Variants in MAEL observed in about 807,000 individuals in gnomAD.
MAEL encodes the protein maelstrom spermatogenic transposon silencer, also known as protein maelstrom homolog.
A neutral mutation model predicts 62.0 loss-of-function variants in MAEL; 46 were observed. The ratio of observed to expected loss-of-function variants is 0.74; its 90% CI spans 0.59 to 0.95. The LOEUF (loss-of-function observed/expected upper bound fraction) is 0.95. MAEL is among the 40% of genes least tolerant of loss of function. MAEL has a pLI of 0.00. For missense variants in MAEL, 497 were observed against 526.8 expected, an observed-to-expected ratio of 0.94 and a Z score of 0.55; for synonymous variants, 172 against 175.5, an observed-to-expected ratio of 0.98 and a Z score of 0.16.
intron 2 of MAEL, 186 bp downstream of exon 2, chr1:166,990,015 T>C (rs1664098627): frequency 1.7e-6 from 1 of 588,704 alleles, no homozygotes; most frequent in South Asian, 2.1e-5. Context: ...CCTCCACAAC[T>C]AGGGCATGCA....
intron 3 of MAEL, among the ~76,000 whole-genome samples, 185 bp downstream of exon 3, chr1:166,991,662 G>GT (rs149104032): frequency 0.068 from 10,133 of 148,482 alleles, 644 homozygotes; most frequent in African/African-American, 0.17. Flanking sequence ...TAGGAGAGTG[G>GT]TTTTTTTTTT....
chr1:166,996,725 A>G (rs1315964790), intron 5 of MAEL, among the ~76,000 whole-genome samples: 1 of 152,218 alleles, frequency 6.6e-6, no homozygotes, highest in African/African-American at 2.4e-5. Flanking sequence ...TACTACATGT[A>G]CATATTTGTT....
At chr1:167,012,787 A>G (rs1224194962) in intron 8 of MAEL, among the ~76,000 whole-genome samples, 1 of 152,164 alleles carries the variant, frequency 6.6e-6, no homozygotes, top group Non-Finnish European at 1.5e-5. Flanking sequence ...AGAGATAGAA[A>G]AGCCTTGAGG....
At position 167,021,658 on chromosome 1, in the gene MAEL, A is replaced by T. The variant is rs1362143105; in HGVS notation, c.1118-10A>T. 2 of 1,558,154 alleles carry T rather than the reference A, an allele frequency of 1.3e-6. No individual in the cohort carries two copies. Among genetic ancestry groups the T allele is most frequent in the Admixed American group, 4.2e-5 (2 of 47,366 alleles). ...GCTATATCTCTTTTCTTGTATTTTC[A>T]ATATCCTAGGTGACTACCCATCTAG... On this transcript the variant is annotated splice_polypyrimidine_tract_variant and intron_variant, in intron 11 of 11. Coordinates refer to ENST00000367872, the MANE Select transcript of MAEL (RefSeq NM_032858.3).
chr1:166,993,222 C>A (rs1664268773), intron 4 of MAEL, among the ~76,000 whole-genome samples: 1 of 152,114 alleles, frequency 6.6e-6, no homozygotes. Flanking sequence ...TGCTTTGTAG[C>A]CTTGAAGAAA....
At position 166,989,479 on chromosome 1, in the gene MAEL, T is replaced by C. The variant is rs767589999; in HGVS notation, c.127T>C (p.Trp43Arg). ...ADAIPYCSSD[W>R]ALLREEEKEK... ...TGCCATCCCTTACTGCTCCTCAGAC[T>C]GGGCGGTAAGGCTGGAGCGGAGTGA... Residue 43 changes from tryptophan (W) to arginine (R), a missense_variant, in exon 1 of 12, where the codon TGG (tryptophan) becomes CGG (arginine). Transcript: ENST00000367872. The C allele has an allele frequency of 6.9e-6, 11 of 1,584,554 alleles. No homozygotes were observed. The highest frequency in any genetic ancestry group is 8.6e-6 in the Non-Finnish European group (10 of 1,165,258).
At chr1:166,988,310 A>G (rs905744149), upstream of MAEL, among the ~76,000 whole-genome samples, 1 of 147,888 alleles carries the variant, frequency 6.8e-6, no homozygotes, top group Non-Finnish European at 1.5e-5. Flanking sequence ...GGATCGTGCC[A>G]CTGCACTCCA....
chr1:167,018,814 CAA>C (rs913869060), intron 10 of MAEL, among the ~76,000 whole-genome samples: 1 of 152,030 alleles, frequency 6.6e-6, no homozygotes, highest in African/African-American at 2.4e-5. Context: ...TAAACTATAA[CAA>C]GAACAAATTA....
At chr1:167,003,871 G>A (rs578099492) in intron 5 of MAEL, among the ~76,000 whole-genome samples, 8 of 152,196 alleles carry the variant, frequency 5.3e-5, no homozygotes, top group Non-Finnish European at 7.4e-5. Context: ...GTAAAACACC[G>A]CAGGCCTGGT....
chr1:167,009,754 G>A (rs1665085127), intron 8 of MAEL, among the ~76,000 whole-genome samples: 2 of 151,782 alleles, frequency 1.3e-5, no homozygotes, highest in South Asian at 4.2e-4. Flanking sequence ...GATAGTTTCT[G>A]CTTTCTTCAG....
intron 2 of MAEL, 85 bp from the exon 3 acceptor site, chr1:166,991,293 T>G (rs1664163111): frequency 2.5e-6 from 2 of 806,062 alleles, no homozygotes; most frequent in Non-Finnish European, 4.4e-6. Flanking sequence ...ATAGGCTGTT[T>G]TGCAGTTATT....
chr1:167,012,927 G>A (rs184791192), intron 8 of MAEL, among the ~76,000 whole-genome samples: 6 of 152,114 alleles, frequency 3.9e-5, no homozygotes, highest in Admixed American at 1.3e-4. Flanking sequence ...AGTTTTAAAC[G>A]TGCAAGAACA....
At chr1:167,008,231 A>G (rs1284744429) in intron 8 of MAEL, among the ~76,000 whole-genome samples, 2 of 152,282 alleles carry the variant, frequency 1.3e-5, no homozygotes, top group East Asian at 1.9e-4. Flanking sequence ...TTTCTCACAC[A>G]GATTGTGCAT....
intron 5 of MAEL, among the ~76,000 whole-genome samples, chr1:167,001,203 G>A (rs6427050): frequency 0.4 from 61,510 of 152,012 alleles, 13,624 homozygotes; most frequent in African/African-American, 0.6. Flanking sequence ...AATGGGAGCT[G>A]AGCTATAAGG....
chr1:167,021,584 G>A, intron 11 of MAEL, 84 bp from the exon 12 acceptor site: 1 of 941,012 alleles, frequency 1.1e-6, no homozygotes, highest in Middle Eastern at 2.3e-4. Flanking sequence ...GCCTACAGTA[G>A]GATGAGTCAG....
chr1:166,985,267 CCACAGTGGATAGAGTTTGCAGGG>C (rs1051310048), upstream of MAEL, among the ~76,000 whole-genome samples: 12 of 152,062 alleles, frequency 7.9e-5, no homozygotes, highest in Middle Eastern at 6.8e-3. Flanking sequence ...TCAAGGTGCG[CCACAGTGGATAGAGTTTGCAGGG>C]CAGAGTACCA....
chr1:167,006,964 T>C (rs1664942001), intron 8 of MAEL, among the ~76,000 whole-genome samples: 2 of 152,166 alleles, frequency 1.3e-5, no homozygotes, highest in African/African-American at 4.8e-5. Flanking sequence ...AAATATTTTG[T>C]GGGGAAATAC....
rs181689763 is a variant in MAEL at position 166,998,526 on chromosome 1, A to T, written c.523+4457A>T. Among the ~76,000 whole-genome samples, 105 of 152,206 alleles carry T rather than the reference A, an allele frequency of 6.9e-4. 1 individual carries two copies. Among genetic ancestry groups the T allele is most frequent in the Admixed American group, 1.6e-3 (24 of 15,282 alleles). ...TGTTCTTTCTAATCTACATATCTTC[A>T]TTTAAAATTTTTAAAATTTGCTTTG... is the stretch of plus-strand genomic sequence containing the variant. On this transcript the variant is annotated intron_variant, in intron 5 of 11. Transcript: ENST00000367872.
At chr1:166,980,563 T>C (rs1184816596) in intron 1 of MAEL, among the ~76,000 whole-genome samples, 1 of 152,202 alleles carries the variant, frequency 6.6e-6, no homozygotes, top group Admixed American at 6.5e-5. Flanking sequence ...CGTGAGCAGT[T>C]AATCAAGTTA....
Sources: allele counts gnomAD v4.1 joint callset (sites outside exome capture counted in the v4.1 genomes callset), GRCh38; gene constraint gnomAD v4.1.1; transcripts MANE v1.5; gene names NCBI Gene and HGNC (gene_info 2026-07-23, HGNC 2026-07-21).